RIMS1: variants seen among roughly 807,000 people sequenced by gnomAD.
RIMS1 encodes the protein regulating synaptic membrane exocytosis 1.
In RIMS1, 83 loss-of-function variants were observed where a neutral mutation model predicts 214.1. The observed-to-expected ratio is 0.39, with a 90% CI of 0.32 to 0.47. The LOEUF is 0.47. Among genes scored for constraint, RIMS1 ranks in the 20% least tolerant of loss-of-function variants. RIMS1 has a pLI of 0.99. For missense variants in RIMS1, 2,050 were observed against 2,161.8 expected, an observed-to-expected ratio of 0.95 and a Z score of 1.03; for synonymous variants, 793 against 786.8, an observed-to-expected ratio of 1.01 and a Z score of -0.13.
intron 29 of RIMS1, among the ~76,000 whole-genome samples, chr6:72,355,520 C>T (rs908903976): frequency 1.3e-5 from 2 of 151,990 alleles, no homozygotes; most frequent in East Asian, 1.9e-4. Context: ...ATCCAAAAGG[C>T]GAATTGTGTT....
chr6:72,336,023 A>G (rs1000294434), intron 29 of RIMS1, among the ~76,000 whole-genome samples: 1 of 151,802 alleles, frequency 6.6e-6, no homozygotes. Flanking sequence ...TCTTTACAGC[A>G]TGAGGTGGTG....
intron 2 of RIMS1, among the ~76,000 whole-genome samples, chr6:72,036,211 CTTG>C (rs1585338509): frequency 6.6e-6 from 1 of 152,088 alleles, no homozygotes; most frequent in East Asian, 1.9e-4. Context: ...AGACCTATTA[CTTG>C]TTGTTCTTTT....
At chr6:72,351,312 G>A (rs975620675) in intron 29 of RIMS1, among the ~76,000 whole-genome samples, 27 of 152,042 alleles carry the variant, frequency 1.8e-4, no homozygotes, top group African/African-American at 6.3e-4. Context: ...AATGGCTACT[G>A]TTTTTATTTT....
chr6:72,241,588 T>A (rs2066942603), intron 9 of RIMS1, among the ~76,000 whole-genome samples: 1 of 152,200 alleles, frequency 6.6e-6, no homozygotes, highest in African/African-American at 2.4e-5. Context: ...ATGTACTGTA[T>A]TAATGTTTGG....
At chr6:71,992,558 CTCTTCTTCT>C (rs200069474) in intron 2 of RIMS1, among the ~76,000 whole-genome samples, 16 of 146,204 alleles carry the variant, frequency 1.1e-4, no homozygotes, top group African/African-American at 2.0e-4. Flanking sequence ...CTCCTTCTTC[CTCTTCTTCT>C]TCTTCTTCTT....
intron 12 of RIMS1, among the ~76,000 whole-genome samples, chr6:72,249,666 G>A (rs2154132679): frequency 6.6e-6 from 1 of 152,164 alleles, no homozygotes; most frequent in Non-Finnish European, 1.5e-5. Context: ...CATCTACCTG[G>A]GAGGCTGAAC....
chr6:71,946,928 A>G (rs1270260021), intron 1 of RIMS1, among the ~76,000 whole-genome samples: 1 of 152,172 alleles, frequency 6.6e-6, no homozygotes, highest in Admixed American at 6.5e-5. Context: ...AAAGGAACTC[A>G]AACAACTCAG....
intron 22 of RIMS1, among the ~76,000 whole-genome samples, chr6:72,272,058 C>T (rs766019075): frequency 5.3e-5 from 8 of 152,036 alleles, no homozygotes; most frequent in Non-Finnish European, 1.2e-4. Context: ...AGTAACTAAG[C>T]AATGAACTTT....
chr6:71,892,557 T>C (rs1770242051), intron 1 of RIMS1, among the ~76,000 whole-genome samples: 1 of 152,136 alleles, frequency 6.6e-6, no homozygotes, highest in Admixed American at 6.5e-5. Flanking sequence ...TAACCCCATT[T>C]GTACCTGGAG....
intron 2 of RIMS1, among the ~76,000 whole-genome samples, chr6:71,992,336 T>C (rs531820387): frequency 1.3e-5 from 2 of 152,286 alleles, no homozygotes; most frequent in African/African-American, 4.8e-5. Context: ...AGCCAAGGCC[T>C]ATCTGGAGAA....
chr6:72,081,073 C>T (rs55809757), intron 2 of RIMS1, among the ~76,000 whole-genome samples: 64,811 of 151,890 alleles, frequency 0.43, 15,206 homozygotes, highest in Non-Finnish European at 0.52. Flanking sequence ...CTCCACTGAA[C>T]AGCTTTCAGT....
At chr6:72,015,883 G>A (rs766024878) in intron 2 of RIMS1, among the ~76,000 whole-genome samples, 2 of 152,244 alleles carry the variant, frequency 1.3e-5, no homozygotes, top group Non-Finnish European at 2.9e-5. Flanking sequence ...CCGAGATCGC[G>A]CCATTGTACT....
At chr6:72,143,589 A>G (rs1213204756) in intron 4 of RIMS1, among the ~76,000 whole-genome samples, 1 of 152,334 alleles carries the variant, frequency 6.6e-6, no homozygotes, top group African/African-American at 2.4e-5. Flanking sequence ...ATTATGGGCT[A>G]TGGTACTGAA....
intron 6 of RIMS1, among the ~76,000 whole-genome samples, chr6:72,191,858 T>TGAAC (rs2050121899): frequency 6.6e-6 from 1 of 151,876 alleles, no homozygotes; most frequent in Non-Finnish European, 1.5e-5. Context: ...AATAGGAGAG[T>TGAAC]TGAACGGGGA....
intron 2 of RIMS1, among the ~76,000 whole-genome samples, chr6:72,013,625 G>T (rs1217662684): frequency 6.6e-6 from 1 of 152,174 alleles, no homozygotes; most frequent in African/African-American, 2.4e-5. Flanking sequence ...ATAAGGCTAG[G>T]TCTGTCATTT....
intron 26 of RIMS1, among the ~76,000 whole-genome samples, chr6:72,306,577 G>T (rs2095190338): frequency 6.6e-6 from 1 of 152,102 alleles, no homozygotes; most frequent in African/African-American, 2.4e-5. Flanking sequence ...AAGCTTAAAA[G>T]TATTCTTTAC....
At chr6:72,328,446 TA>T (rs748990501) in intron 28 of RIMS1, among the ~76,000 whole-genome samples, 2 of 151,468 alleles carry the variant, frequency 1.3e-5, no homozygotes, top group African/African-American at 2.4e-5. Flanking sequence ...TAAAGTGTAA[TA>T]AAAAAAGAAC....
At chr6:72,396,597 A>T (rs767405986) in intron 31 of RIMS1, among the ~76,000 whole-genome samples, 4 of 152,228 alleles carry the variant, frequency 2.6e-5, no homozygotes, top group African/African-American at 7.2e-5. Flanking sequence ...TATGACATTC[A>T]TGTAATGGAA....
At position 72,182,270 on chromosome 6, in the gene RIMS1, T is replaced by C. The variant is rs180682682; in HGVS notation, c.813-14T>C. 6.5e-7 allele frequency: 1 copy of C among 1,548,722 alleles called. No individual in the cohort carries two copies. The highest frequency in any genetic ancestry group is 2.1e-5 in the Admixed American group (1 of 46,926). On this transcript the variant is annotated splice_polypyrimidine_tract_variant and intron_variant, in intron 5 of 33. Coordinates refer to ENST00000521978, the MANE Select transcript of RIMS1 (RefSeq NM_014989.7). ...TATAAATTGCTCTCCTTGACGTTCC[T>C]TTGTATATCATAGAAAGAAGACCCC...
Sources: gnomAD v4.1 joint callset for allele counts (sites outside exome capture counted in the v4.1 genomes callset) on GRCh38, gnomAD v4.1.1 for gene constraint, MANE v1.5 for transcripts, NCBI Gene and HGNC (gene_info 2026-07-23, HGNC 2026-07-21) for gene names.